The following SHISA9 variants were observed in gnomAD, a reference collection of about 807,000 sequenced individuals.
SHISA9 encodes the protein protein shisa-9.
In SHISA9, 13 loss-of-function variants were observed where a neutral mutation model predicts 38.0. The ratio of observed to expected loss-of-function variants is 0.34; its 90% CI spans 0.22 to 0.54. The LOEUF (loss-of-function observed/expected upper bound fraction) is 0.54, where lower values mean the gene tolerates loss of function less well. Among genes scored for constraint, SHISA9 ranks in the 20% least tolerant of loss-of-function variants. The pLI is 0.91. For synonymous variants in SHISA9, 275 were observed against 242.0 expected (o/e 1.14, Z -1.27); for missense variants, 538 against 575.8 (o/e 0.93, Z 0.67).
At chr16:13,305,932 C>T in the SHISA9 span, among the ~76,000 whole-genome samples, 1 of 152,210 alleles carries the variant, frequency 6.6e-6, no homozygotes, top group Non-Finnish European at 1.5e-5. Context: ...TTTCTAGAGA[C>T]AGGGGAGACT....
intron 2 of SHISA9, among the ~76,000 whole-genome samples, chr16:13,169,804 G>A (rs1201943253): frequency 2.0e-5 from 3 of 152,220 alleles, no homozygotes; most frequent in Middle Eastern, 3.4e-3. Flanking sequence ...TCCCAGCTTC[G>A]GATCACTCTC....
chr16:13,000,663 C>G (rs934717676), intron 2 of SHISA9, among the ~76,000 whole-genome samples: 11 of 152,236 alleles, frequency 7.2e-5, no homozygotes, highest in African/African-American at 2.6e-4. Flanking sequence ...GGGGCACTGA[C>G]AGTGTCTGCT....
intron 2 of SHISA9, among the ~76,000 whole-genome samples, chr16:12,958,854 C>T (rs932380367): frequency 6.6e-6 from 1 of 152,110 alleles, no homozygotes; most frequent in Admixed American, 6.5e-5. Context: ...CAAATACTCC[C>T]CCCACCCCCA....
At chr16:13,284,986 T>A in the SHISA9 span, among the ~76,000 whole-genome samples, 3 of 152,056 alleles carry the variant, frequency 2.0e-5, no homozygotes, top group Non-Finnish European at 4.4e-5. Context: ...TCACCCCATG[T>A]TTGATCTTTT....
chr16:12,916,895 T>A (rs1238114609), intron 2 of SHISA9, 80 bp downstream of exon 2: 1 of 1,473,794 alleles, frequency 6.8e-7, no homozygotes, highest in Non-Finnish European at 9.0e-7. Context: ...TCGTGGAGTG[T>A]GCTTGGGTTA....
chr16:13,017,315 C>T (rs369264195), intron 2 of SHISA9, among the ~76,000 whole-genome samples: 48 of 152,260 alleles, frequency 3.2e-4, no homozygotes, highest in East Asian at 1.2e-3. Context: ...CCACAGTGCC[C>T]GGCCTGTTCT....
At chr16:13,182,962 G>A (rs2050790657) in intron 2 of SHISA9, among the ~76,000 whole-genome samples, 1 of 152,214 alleles carries the variant, frequency 6.6e-6, no homozygotes, top group Admixed American at 6.5e-5. Context: ...TTACATGTCT[G>A]GCAATGGATA....
the SHISA9 span, among the ~76,000 whole-genome samples, chr16:13,496,259 T>C: frequency 6.6e-6 from 1 of 152,106 alleles, no homozygotes; most frequent in African/African-American, 2.4e-5. Flanking sequence ...CATCAAGTTT[T>C]GAGAAGGAAA....
intron 2 of SHISA9, among the ~76,000 whole-genome samples, chr16:13,144,077 A>C (rs1462832566): frequency 6.6e-6 from 1 of 151,200 alleles, no homozygotes; most frequent in Non-Finnish European, 1.5e-5. Context: ...GAAGGTATGG[A>C]TGATCAAGAA....
At chr16:13,252,127 C>A in the SHISA9 span, among the ~76,000 whole-genome samples, 10 of 152,060 alleles carry the variant, frequency 6.6e-5, 1 homozygote, top group Admixed American at 3.3e-4. Flanking sequence ...AAAACAAGCC[C>A]AAAAGACCTT....
chr16:13,310,416 G>C, the SHISA9 span, among the ~76,000 whole-genome samples: 5 of 152,162 alleles, frequency 3.3e-5, no homozygotes, highest in East Asian at 7.7e-4. Flanking sequence ...GAATTCATTT[G>C]AAGGTCTTTG....
At chr16:13,174,052 C>T (rs1053321324) in intron 2 of SHISA9, among the ~76,000 whole-genome samples, 5 of 152,118 alleles carry the variant, frequency 3.3e-5, no homozygotes, top group African/African-American at 1.2e-4. Context: ...GCCTCAGTTT[C>T]CCATCCCCAC....
At chr16:13,107,682 T>A (rs60353982) in intron 2 of SHISA9, among the ~76,000 whole-genome samples, 46,218 of 151,664 alleles carry the variant, frequency 0.3, 7,872 homozygotes, top group African/African-American at 0.46. Context: ...GCAGGTGAGA[T>A]TGATCAGGTA....
chr16:13,057,596 T>C (rs2073325377), intron 2 of SHISA9, among the ~76,000 whole-genome samples: 1 of 152,208 alleles, frequency 6.6e-6, no homozygotes, highest in Non-Finnish European at 1.5e-5. Context: ...AGGGATCTGA[T>C]GCATACCATA....
chr16:12,909,187 G>A (rs535353892), intron 1 of SHISA9: 60 of 985,498 alleles, frequency 6.1e-5, no homozygotes, highest in South Asian at 2.8e-4. Flanking sequence ...TTCTCTTTGG[G>A]CACTGAGTCC....
At chr16:13,549,168 T>G in the SHISA9 span, among the ~76,000 whole-genome samples, 1 of 152,138 alleles carries the variant, frequency 6.6e-6, no homozygotes, top group African/African-American at 2.4e-5. Flanking sequence ...AAAATGCTGA[T>G]CTCATATAAG....
At chr16:13,251,368 C>G in the SHISA9 span, among the ~76,000 whole-genome samples, 6 of 152,198 alleles carry the variant, frequency 3.9e-5, no homozygotes, top group African/African-American at 1.4e-4. Flanking sequence ...ACCAGCTATG[C>G]AGGTGTACCC....
chr16:13,399,346 A>G, the SHISA9 span, among the ~76,000 whole-genome samples: 2 of 152,184 alleles, frequency 1.3e-5, no homozygotes, highest in Admixed American at 1.3e-4. Flanking sequence ...AACAAACCAT[A>G]TATTCAAGCT....
At chr16:13,335,127 G>A in the SHISA9 span, among the ~76,000 whole-genome samples, 1 of 152,218 alleles carries the variant, frequency 6.6e-6, no homozygotes, top group Admixed American at 6.5e-5. Flanking sequence ...CCATTGGCTG[G>A]TCAAAGACCC....
Sources: gnomAD v4.1 joint callset for allele counts (sites outside exome capture counted in the v4.1 genomes callset) on GRCh38, gnomAD v4.1.1 for gene constraint, MANE v1.5 for transcripts, NCBI Gene and HGNC (gene_info 2026-07-23, HGNC 2026-07-21) for gene names.